The following SLC19A1 variants were observed in gnomAD, a reference collection of about 807,000 sequenced individuals.
The protein encoded by SLC19A1 is reduced folate transporter.
Under a neutral mutation model 35.3 loss-of-function variants are expected in SLC19A1, and 37 were observed. That is an observed-to-expected ratio of 1.05 (90% CI 0.81 to 1.38). The LOEUF is 1.38. Ranked by LOEUF, SLC19A1 falls within the 40% of genes most tolerant of loss-of-function variation. The probability of loss-of-function intolerance (pLI) is 0.00; values close to 1 mark genes in which losing one functional copy is unlikely to be tolerated. For missense variants in SLC19A1, 831 were observed against 826.9 expected (o/e 1.00, Z -0.06); for synonymous variants, 460 against 398.5 (o/e 1.15, Z -1.84).
At chr21:45,520,330 C>A (rs2077399769) in intron 5 of SLC19A1, among the ~76,000 whole-genome samples, 2 of 151,792 alleles carry the variant, frequency 1.3e-5, no homozygotes, top group African/African-American at 4.8e-5. Context: ...AAAGTTCCAG[C>A]CAGTGCACTA....
downstream of SLC19A1, chr21:45,510,017 A>AG (rs1228914060): frequency 2.6e-6 from 4 of 1,529,556 alleles, no homozygotes; most frequent in African/African-American, 1.4e-5. Context: ...GCCTGGGTGC[A>AG]GGGGGCAGCG....
Position 45,534,853 on chromosome 21 carries a change from C to G in SLC19A1, c.190-2705G>C. ...GGTGGCATCTGTCAGGCGGCCACGA[C>G]TCTGACACGAGGACAGCCTCCTGCT... On this transcript the variant is annotated intron_variant, in intron 2 of 5. Coordinates refer to ENST00000311124, the MANE Select transcript of SLC19A1 (RefSeq NM_194255.4). This position sits in a 1 kb window ranked among gnomAD's most constrained non-coding sequence, Gnocchi z 4.2. The G allele has an allele frequency of 1.8e-6, 1 of 563,202 alleles. No individual in the cohort carries two copies. Among genetic ancestry groups the G allele is most frequent in the Non-Finnish European group, 3.2e-6 (1 of 314,606 alleles). 34.9% of individuals were successfully genotyped at this position (563,202 alleles called of 1,614,324 possible).
At chr21:45,511,955 C>G (rs1043222990), downstream of SLC19A1, among the ~76,000 whole-genome samples, 3 of 152,078 alleles carry the variant, frequency 2.0e-5, no homozygotes, top group Admixed American at 2.0e-4. Context: ...CCCCTCTCCC[C>G]TCTGCCGTGG....
chr21:45,519,403 G>A (rs140559910), intron 5 of SLC19A1, among the ~76,000 whole-genome samples: 9 of 151,998 alleles, frequency 5.9e-5, no homozygotes, highest in African/African-American at 1.4e-4. Context: ...TAGCAAAGTC[G>A]ATTTAAAAAC....
intron 1 of SLC19A1, among the ~76,000 whole-genome samples, chr21:45,539,982 G>A (rs1050678601): frequency 6.6e-6 from 1 of 152,144 alleles, no homozygotes; most frequent in East Asian, 1.9e-4. Context: ...GAAAACAGCC[G>A]GCCAGGCAGG....
chr21:45,528,316 T>G (rs1452646628), intron 4 of SLC19A1, among the ~76,000 whole-genome samples: 1 of 151,072 alleles, frequency 6.6e-6, no homozygotes, highest in Non-Finnish European at 1.5e-5. Flanking sequence ...GGCAGACGAG[T>G]GTGGGGCGTG....
rs1569000224 is a variant in SLC19A1, at chr21:45,531,484, A to G, written c.854T>C (p.Val285Ala). Reference protein sequence around the residue: ...VFNSAGYYLVVYYVHILWNEV... With the variant: ...VFNSAGYYLVAYYVHILWNEV... ...GTTCCACAGGATGTGCACGTAGTAGACCACCAGGTAGTAGCCGGCCGAGTT... is the reference window on the plus strand; with the variant it reads ...GTTCCACAGGATGTGCACGTAGTAGGCCACCAGGTAGTAGCCGGCCGAGTT... Residue 285 changes from valine (V) to alanine (A), a missense_variant, in exon 3 of 6, where the codon GTC (valine) becomes GCC (alanine). Val to Ala is a moderately conservative substitution (Grantham distance 64). Coordinates refer to ENST00000311124, the MANE Select transcript of SLC19A1 (RefSeq NM_194255.4). The G allele has an allele frequency of 6.2e-7, 1 of 1,612,748 alleles. No individual in the cohort carries two copies. The highest frequency in any genetic ancestry group is 8.5e-7 in the Non-Finnish European group (1 of 1,179,780).
At chr21:45,549,228 AC>A (rs1384516799), upstream of SLC19A1, among the ~76,000 whole-genome samples, 2 of 152,180 alleles carry the variant, frequency 1.3e-5, no homozygotes, top group East Asian at 3.9e-4. Flanking sequence ...GAGTCTCAGC[AC>A]CCTCGTGCTG....
Position 45,517,366 on chromosome 21 carries a change from A to C in SLC19A1, c.1294-1226T>G, listed in dbSNP as rs959443077. Among the ~76,000 whole-genome samples, 1 of 150,400 alleles carries C rather than the reference A, an allele frequency of 6.6e-6. No individual in the cohort carries two copies. The highest frequency in any genetic ancestry group is 2.4e-5 in the African/African-American group (1 of 40,880). ...CCCACCATGTCAGCAAGGACCCCCC[A>C]CCCTCGCCAGCCTGTAACAAGGACC... On this transcript the variant is annotated intron_variant, in intron 5 of 5. Coordinates refer to ENST00000311124, the MANE Select transcript of SLC19A1 (RefSeq NM_194255.4). The surrounding 1 kb of genome is among the most constrained non-coding windows in gnomAD (Gnocchi z 4.4).
chr21:45,509,835 C>T (rs979226687), downstream of SLC19A1, among the ~76,000 whole-genome samples: 2 of 152,218 alleles, frequency 1.3e-5, no homozygotes, highest in African/African-American at 2.4e-5. Context: ...ACCGGCGTAC[C>T]TCCGCCTACA....
chr21:45,507,030 A>C (rs1442349924), intron 3 of SLC19A1: 10 of 309,914 alleles, frequency 3.2e-5, no homozygotes, highest in Admixed American at 8.5e-5. Context: ...TGACAGGAGG[A>C]GGCAGGGGAT....
chr21:45,522,754 G>A (rs1055516625), intron 5 of SLC19A1, among the ~76,000 whole-genome samples: 8 of 152,288 alleles, frequency 5.3e-5, no homozygotes, highest in South Asian at 2.1e-4. Flanking sequence ...ATGCATAGCC[G>A]TGTTTATACA....
At chr21:45,539,613 G>A in intron 1 of SLC19A1, among the ~76,000 whole-genome samples, 1 of 152,226 alleles carries the variant, frequency 6.6e-6, no homozygotes, top group East Asian at 1.9e-4. Flanking sequence ...CAGGCTGGAA[G>A]TGCTCCCTGA....
At position 45,553,064 on chromosome 21, in the gene SLC19A1, G is replaced by A. The variant is rs148000478; in HGVS notation, c.-50+9678C>T. On this transcript the variant is annotated intron_variant, in intron 1 of 5. Transcript: ENST00000650808. ...GATTCCACTAAAACAAGACTCCACC[G>A]GGCGGCAGGTGGCCAGGCTCAGGGC... Among the ~76,000 whole-genome samples, 505 of 152,256 alleles carry A rather than the reference G, an allele frequency of 3.3e-3. 1 individual carries two copies. The highest frequency in any genetic ancestry group is 0.012 in the African/African-American group (481 of 41,518).
intron 3 of SLC19A1, chr21:45,503,959 C>T (rs373984676): frequency 1.5e-4 from 238 of 1,608,470 alleles, no homozygotes; most frequent in East Asian, 1.1e-3. Context: ...AGAGGGAACC[C>T]GGCGCTGTCA....
chr21:45,511,206 C>T (rs780143332), downstream of SLC19A1: 73 of 1,585,710 alleles, frequency 4.6e-5, no homozygotes, highest in Non-Finnish European at 5.2e-5. Context: ...ACGGCAAGGA[C>T]GTCCTGAGGC....
chr21:45,510,367 G>C (rs962827285), downstream of SLC19A1: 1 of 1,283,316 alleles, frequency 7.8e-7, no homozygotes, highest in Non-Finnish European at 1.1e-6. Flanking sequence ...AGGCCACCAT[G>C]TTACAGACAC....
upstream of SLC19A1, among the ~76,000 whole-genome samples, chr21:45,546,096 C>G (rs1357759706): frequency 6.6e-6 from 1 of 152,254 alleles, no homozygotes; most frequent in Admixed American, 6.5e-5. Flanking sequence ...CATGGATGCC[C>G]CTGTGTCAGG....
At chr21:45,510,518 G>A (rs1241926358), downstream of SLC19A1, among the ~76,000 whole-genome samples, 2 of 128,312 alleles carry the variant, frequency 1.6e-5, no homozygotes, top group Non-Finnish European at 3.5e-5. Context: ...CTGACCCCCC[G>A]CTCCCCCGGC....
Sources: gnomAD v4.1 joint callset for allele counts (sites outside exome capture counted in the v4.1 genomes callset) on GRCh38, gnomAD v4.1.1 for gene constraint, Gnocchi (gnomAD v3.1) non-coding constraint, MANE v1.5 for transcripts, NCBI Gene and HGNC (gene_info 2026-07-23, HGNC 2026-07-21) for gene names.